ADGRF5: variants seen among roughly 807,000 people sequenced by gnomAD.
ADGRF5 encodes the protein G-protein coupled receptor 116.
In ADGRF5, 75 loss-of-function variants were observed where a neutral mutation model predicts 132.3. That is an observed-to-expected ratio of 0.57 (90% CI 0.47 to 0.69). The LOEUF (loss-of-function observed/expected upper bound fraction) is 0.69, where lower values mean the gene tolerates loss of function less well. Ranked by LOEUF, ADGRF5 falls within the 30% of genes least tolerant of loss-of-function variation. The pLI is 0.00. For missense variants in ADGRF5, 1,516 were observed against 1,630.6 expected (o/e 0.93, Z 1.21); for synonymous variants, 629 against 597.6 (o/e 1.05, Z -0.77).
chr6:46,897,418 T>C (rs2150875175), intron 3 of ADGRF5, among the ~76,000 whole-genome samples: 1 of 152,160 alleles, frequency 6.6e-6, no homozygotes, highest in Non-Finnish European at 1.5e-5. Flanking sequence ...GAGGTATGTG[T>C]ATGTAAAAGG....
Position 46,934,936 on chromosome 6 carries a change from T to G in ADGRF5, c.-25+19798A>C, listed in dbSNP as rs78840850. On this transcript the variant is annotated intron_variant, in intron 1 of 20. Coordinates refer to the ADGRF5 transcript ENST00000265417. Reference sequence around the variant, plus strand: ...GTTTAGAACTTAGACCTTCAATAGATTTTTTAGGAAAAATACTTAATCACT... The same window carrying G: ...GTTTAGAACTTAGACCTTCAATAGAGTTTTTAGGAAAAATACTTAATCACT... 0.013 allele frequency among the ~76,000 whole-genome samples: 1,934 copies of G among 152,154 alleles called. 73 individuals are homozygous for G. The South Asian group carries it at 0.13, about 10-fold the overall frequency.
Position 46,863,089 on chromosome 6 carries a change from G to A in ADGRF5, c.1998C>T (p.Asn666=). Reference sequence around the variant, plus strand: ...CTATTACGGGATCCTGGCATGTGATGTTTTCCCCTGTGTTGGAAACATTGA... The same window carrying A: ...CTATTACGGGATCCTGGCATGTGATATTTTCCCCTGTGTTGGAAACATTGA... ...SMKLNLVPGE[N]ITCQDPVIGV... is the part of the protein sequence containing the mutation. Residue 666 remains asparagine, a synonymous_variant, in exon 15 of 21, where the codon AAC becomes AAT. Coordinates refer to ENST00000283296, the MANE Select transcript of ADGRF5 (RefSeq NM_001098518.2). The A allele has an allele frequency of 1.2e-6, 2 of 1,611,900 alleles. No homozygotes were observed. The highest frequency in any genetic ancestry group is 1.7e-6 in the Non-Finnish European group (2 of 1,177,984).
At chr6:46,894,885 G>A (rs950244170) in intron 3 of ADGRF5, among the ~76,000 whole-genome samples, 1 of 152,168 alleles carries the variant, frequency 6.6e-6, no homozygotes, top group Non-Finnish European at 1.5e-5. Flanking sequence ...GTCAAGAAAT[G>A]CTAACATTAA....
intron 1 of ADGRF5, among the ~76,000 whole-genome samples, chr6:46,929,516 A>AAAAAT (rs778946276): frequency 0.034 from 4,532 of 131,982 alleles, 103 homozygotes; most frequent in Non-Finnish European, 0.05. Context: ...AAATAAAAAT[A>AAAAAT]AAAAAAAGAA....
chr6:46,897,440 T>G (rs1774301284), intron 3 of ADGRF5, among the ~76,000 whole-genome samples: 1 of 152,156 alleles, frequency 6.6e-6, no homozygotes, highest in African/African-American at 2.4e-5. Flanking sequence ...AATAGCAATC[T>G]GAAAATCAGA....
At chr6:46,886,855 A>G (rs1470710017) in intron 4 of ADGRF5, 2 of 152,232 alleles carry the variant, frequency 1.3e-5, no homozygotes, top group Non-Finnish European at 2.9e-5. Context: ...TTTCTCTGCC[A>G]CATTGAAGTA....
chr6:46,891,412 T>G (rs1281684659), intron 3 of ADGRF5, among the ~76,000 whole-genome samples: 1 of 152,224 alleles, frequency 6.6e-6, no homozygotes, highest in Non-Finnish European at 1.5e-5. Flanking sequence ...GCACATTCTT[T>G]TTCCTGAAAA....
At chr6:46,890,763 G>A (rs1048557012) in intron 3 of ADGRF5, among the ~76,000 whole-genome samples, 1 of 152,018 alleles carries the variant, frequency 6.6e-6, no homozygotes, top group Admixed American at 6.6e-5. Context: ...CTTATAAAAT[G>A]ATTACTTTAA....
chr6:46,925,718 T>C (rs1326013570), upstream of ADGRF5, among the ~76,000 whole-genome samples: 1 of 152,194 alleles, frequency 6.6e-6, no homozygotes, highest in East Asian at 1.9e-4. Flanking sequence ...GATTGCGCCA[T>C]TGCATTCCAG....
At chr6:46,921,672 G>A (rs553635319) in intron 1 of ADGRF5, 41 bp downstream of exon 1, 1 of 152,344 alleles carries the variant, frequency 6.6e-6, no homozygotes, top group East Asian at 1.9e-4. Flanking sequence ...GCTACAAAGG[G>A]AGACAGAATG....
intron 1 of ADGRF5, among the ~76,000 whole-genome samples, chr6:46,933,278 A>G (rs376938913): frequency 6.6e-6 from 1 of 152,188 alleles, no homozygotes; most frequent in East Asian, 1.9e-4. Flanking sequence ...TTTAAAGAAA[A>G]TACAAGGATA....
intron 1 of ADGRF5, among the ~76,000 whole-genome samples, chr6:46,914,500 G>A (rs1435573581): frequency 6.6e-6 from 1 of 152,132 alleles, no homozygotes; most frequent in Non-Finnish European, 1.5e-5. Flanking sequence ...AGGCCCTGCA[G>A]CAGCATTGTG....
intron 10 of ADGRF5, among the ~76,000 whole-genome samples, chr6:46,874,400 C>T (rs220672): frequency 0.72 from 109,787 of 152,070 alleles, 40,429 homozygotes; most frequent in Non-Finnish European, 0.8. Flanking sequence ...AACTAATGTA[C>T]AAGACAATGA....
At chr6:46,890,090 T>G (rs185931914) in intron 3 of ADGRF5, among the ~76,000 whole-genome samples, 1 of 152,000 alleles carries the variant, frequency 6.6e-6, no homozygotes, top group African/African-American at 2.4e-5. Flanking sequence ...ACAGATAAAT[T>G]GAGAATATTT....
intron 10 of ADGRF5, among the ~76,000 whole-genome samples, chr6:46,877,252 T>C (rs978504672): frequency 2.4e-4 from 8 of 33,684 alleles, no homozygotes; most frequent in African/African-American, 1.1e-3. Context: ...TCTTTCTTTC[T>C]TTCTTTCTTT....
chr6:46,888,247 TAA>T, intron 4 of ADGRF5, 86 bp downstream of exon 4: 1 of 933,342 alleles, frequency 1.1e-6, no homozygotes, highest in Non-Finnish European at 1.7e-6. Context: ...GCCTACTAAG[TAA>T]AAGATTGCTC....
rs192560047 is a variant in ADGRF5 at position 46,879,980 on chromosome 6, C to A, written c.874G>T (p.Val292Leu). Residue 292 changes from valine (V) to leucine (L), a missense_variant, in exon 9 of 21, where the codon GTG (valine) becomes TTG (leucine). By Grantham distance (32) the Val-to-Leu change is conservative. Transcript: ENST00000283296. ...GAGGACAAAACTTCCTTTTCACACA[C>A]CAGACTGACTGTGTCCCCTTCAAAG... ...IIFEGDTVSL[V>L]CEKEVLSSNV... 45 of 1,614,080 alleles carry A rather than the reference C, an allele frequency of 2.8e-5. No individual in the cohort carries two copies. In the East Asian group the frequency reaches 8.9e-4, roughly 32 times the overall value.
intron 1 of ADGRF5, among the ~76,000 whole-genome samples, chr6:46,950,924 T>TA (rs1444954870): frequency 6.6e-6 from 1 of 152,222 alleles, no homozygotes; most frequent in East Asian, 1.9e-4. Context: ...CTTGGCAAGA[T>TA]ACAATCACTT....
chr6:46,942,335 G>C (rs2150944378), intron 1 of ADGRF5, among the ~76,000 whole-genome samples: 2 of 152,344 alleles, frequency 1.3e-5, no homozygotes, highest in Admixed American at 1.3e-4. Flanking sequence ...CTGGCACAGA[G>C]TAGTCAGGTG....
Sources: allele counts gnomAD v4.1 joint callset (sites outside exome capture counted in the v4.1 genomes callset), GRCh38; gene constraint gnomAD v4.1.1; transcripts MANE v1.5; gene names NCBI Gene and HGNC (gene_info 2026-07-23, HGNC 2026-07-21).